TAF1B: variants seen among roughly 807,000 people sequenced by gnomAD.
TAF1B encodes the protein TATA box-binding protein-associated factor RNA polymerase I subunit B.
Under a neutral mutation model 83.9 loss-of-function variants are expected in TAF1B, and 61 were observed. That is an observed-to-expected ratio of 0.73 (90% CI 0.59 to 0.90). The LOEUF (loss-of-function observed/expected upper bound fraction) is 0.90, where lower values mean the gene tolerates loss of function less well. TAF1B is among the 40% of genes least tolerant of loss of function. The pLI, the probability that TAF1B is intolerant of heterozygous loss-of-function variation, is 0.00. For missense variants in TAF1B, 625 were observed against 677.0 expected (o/e 0.92, Z 0.85); for synonymous variants, 221 against 224.6 (o/e 0.98, Z 0.14).
chr2:9,862,245 C>G (rs2125142156), intron 5 of TAF1B, among the ~76,000 whole-genome samples: 1 of 152,098 alleles, frequency 6.6e-6, no homozygotes, highest in South Asian at 2.1e-4. Context: ...CAGAGAAGTC[C>G]TTAAAGGACC....
chr2:9,865,764 C>G (rs1291252035), intron 5 of TAF1B, among the ~76,000 whole-genome samples: 5 of 151,580 alleles, frequency 3.3e-5, no homozygotes, highest in Admixed American at 2.0e-4. Context: ...CAGAACAGAG[C>G]CATCAGAAAT....
chr2:9,912,985 G>C (rs560739270), intron 11 of TAF1B, among the ~76,000 whole-genome samples, 174 bp from the exon 12 acceptor site: 1 of 152,322 alleles, frequency 6.6e-6, no homozygotes, highest in African/African-American at 2.4e-5. Context: ...AGAGTGAGGA[G>C]TGAGTTTTTA....
At chr2:9,891,939 G>A (rs1054412424) in intron 8 of TAF1B, among the ~76,000 whole-genome samples, 4 of 152,140 alleles carry the variant, frequency 2.6e-5, no homozygotes, top group African/African-American at 9.7e-5. Flanking sequence ...ATTTATTACT[G>A]AAGAAAGCAT....
chr2:9,910,644 T>C lies in TAF1B; in HGVS notation c.956-92T>C, dbSNP rs544031217. Reference sequence around the variant, plus strand: ...TGGGTCTCTGAGTTCTTGCATAGTGTCGTGTTTTAAGATAAAGGTTATTTT... The same window carrying C: ...TGGGTCTCTGAGTTCTTGCATAGTGCCGTGTTTTAAGATAAAGGTTATTTT... On this transcript the variant is annotated intron_variant, in intron 9 of 14. Coordinates refer to ENST00000263663, the MANE Select transcript of TAF1B (RefSeq NM_005680.3). The C allele has an allele frequency of 1.2e-5, 13 of 1,109,842 alleles. No individual in the cohort carries two copies. In the African/African-American group the frequency reaches 1.9e-4, roughly 16 times the overall value. 68.7% of individuals were successfully genotyped at this position (1,109,842 alleles called of 1,614,324 possible). A position where few individuals can be genotyped will look rare whatever the true frequency, so the allele number is the denominator to read the frequency against.
intron 8 of TAF1B, among the ~76,000 whole-genome samples, chr2:9,885,888 C>G (rs1230610029): frequency 1.3e-5 from 2 of 152,026 alleles, no homozygotes; most frequent in African/African-American, 4.8e-5. Context: ...ATCTTTAATT[C>G]ACTAACCAAA....
intron 3 of TAF1B, among the ~76,000 whole-genome samples, chr2:9,850,513 G>A (rs533232126): frequency 6.6e-6 from 1 of 152,266 alleles, no homozygotes; most frequent in African/African-American, 2.4e-5. Context: ...TGGCTTTTGA[G>A]ACAATTCGAG....
At chr2:9,888,233 C>T (rs1265170639) in intron 8 of TAF1B, among the ~76,000 whole-genome samples, 1 of 151,900 alleles carries the variant, frequency 6.6e-6, no homozygotes, top group East Asian at 1.9e-4. Flanking sequence ...AGAGTAAGAC[C>T]CTTACAACAG....
Position 9,867,825 on chromosome 2 carries a change from A to AC in TAF1B, c.400-451_400-450insC, listed in dbSNP as rs566155796. Among the ~76,000 whole-genome samples the AC allele has an allele frequency of 3.3e-5, 5 of 152,352 alleles. No homozygotes were observed. In the East Asian group the frequency reaches 9.6e-4, roughly 29 times the overall value. ...GAAATCACTGAAGAGTGGGTTGGAA[A>AC]GATGGCATGATGAGTAAGTAATGAG... On this transcript the variant is annotated intron_variant, in intron 5 of 14. Transcript: ENST00000263663.
chr2:9,845,381 A>T, intron 2 of TAF1B, 63 bp downstream of exon 2: 6 of 1,357,704 alleles, frequency 4.4e-6, no homozygotes, highest in Non-Finnish European at 5.2e-6. Flanking sequence ...TCAGCCTGAT[A>T]TGTAGTCTAA....
chr2:9,909,747 C>T (rs1043293547), intron 9 of TAF1B, among the ~76,000 whole-genome samples: 1 of 152,180 alleles, frequency 6.6e-6, no homozygotes, highest in African/African-American at 2.4e-5. Context: ...TTCACAACAG[C>T]TATGAAGCAG....
At chr2:9,915,579 A>ATATCAT (rs1665658320) in intron 12 of TAF1B, among the ~76,000 whole-genome samples, 1 of 152,258 alleles carries the variant, frequency 6.6e-6, no homozygotes, top group African/African-American at 2.4e-5. Context: ...CGACAATGAC[A>ATATCAT]TATCATTATA....
At chr2:9,848,504 TA>T (rs961141904) in intron 2 of TAF1B, among the ~76,000 whole-genome samples, 4 of 152,258 alleles carry the variant, frequency 2.6e-5, no homozygotes, top group African/African-American at 9.6e-5. Flanking sequence ...TCGTCTCTAC[TA>T]AAAATACAAA....
At chr2:9,932,957 G>A (rs1007025603) in intron 14 of TAF1B, among the ~76,000 whole-genome samples, 14 of 152,354 alleles carry the variant, frequency 9.2e-5, no homozygotes, top group East Asian at 5.8e-4. Context: ...GCAAGGCTCC[G>A]TGGGCGAGGG....
chr2:9,870,999 C>A (rs1456428569), intron 6 of TAF1B, among the ~76,000 whole-genome samples: 1 of 152,136 alleles, frequency 6.6e-6, no homozygotes, highest in Admixed American at 6.5e-5. Flanking sequence ...GAAGAAGTCT[C>A]CCTGGAGCCT....
chr2:9,859,356 C>T (rs1004569280), intron 5 of TAF1B, among the ~76,000 whole-genome samples: 2 of 151,394 alleles, frequency 1.3e-5, no homozygotes, highest in Non-Finnish European at 1.5e-5. Context: ...CCACTTCAGC[C>T]TGGACTTCAT....
chr2:9,921,726 TA>T (rs1021085447), intron 14 of TAF1B, among the ~76,000 whole-genome samples: 1 of 152,222 alleles, frequency 6.6e-6, no homozygotes. Context: ...GTGTTTACCA[TA>T]AAATTCTTTC....
intron 8 of TAF1B, among the ~76,000 whole-genome samples, chr2:9,895,692 C>G (rs1664995559): frequency 6.6e-6 from 1 of 151,938 alleles, no homozygotes; most frequent in South Asian, 2.1e-4. Context: ...TGTTAATTCT[C>G]CTTTGTTATG....
At chr2:9,906,328 C>T (rs761504286) in intron 9 of TAF1B, among the ~76,000 whole-genome samples, 1 of 151,994 alleles carries the variant, frequency 6.6e-6, no homozygotes, top group Non-Finnish European at 1.5e-5. Context: ...GAAATAAATC[C>T]GTTACAATAT....
intron 5 of TAF1B, among the ~76,000 whole-genome samples, chr2:9,868,009 G>A (rs763177418): frequency 5.3e-5 from 8 of 152,220 alleles, no homozygotes; most frequent in Non-Finnish European, 8.8e-5. Context: ...TATTAGCGCT[G>A]TAAGAGAGAT....
Sources: gnomAD v4.1 joint callset for allele counts (sites outside exome capture counted in the v4.1 genomes callset) on GRCh38, gnomAD v4.1.1 for gene constraint, MANE v1.5 for transcripts, NCBI Gene and HGNC (gene_info 2026-07-23, HGNC 2026-07-21) for gene names.